Variants in STXBP3 observed in about 807,000 individuals in gnomAD.
STXBP3 encodes syntaxin-binding protein 3.
In STXBP3, 41 loss-of-function variants were observed where a neutral mutation model predicts 85.7. The observed-to-expected ratio is 0.48, with a 90% CI of 0.37 to 0.62. The LOEUF (loss-of-function observed/expected upper bound fraction) is 0.62, where lower values mean the gene tolerates loss of function less well. Among genes scored for constraint, STXBP3 ranks in the 20% least tolerant of loss-of-function variants. The pLI is 0.00. For missense variants in STXBP3, 563 were observed against 703.1 expected (o/e 0.80, Z 2.25); for synonymous variants, 229 against 231.7 (o/e 0.99, Z 0.10).
chr1:108,756,870 A>G, intron 4 of STXBP3, 104 bp downstream of exon 4: 1 of 780,754 alleles, frequency 1.3e-6, no homozygotes. Context: ...TAGTAGAAAA[A>G]TATTGCCATA....
chr1:108,747,074 C>G (rs964408715), intron 1 of STXBP3, among the ~76,000 whole-genome samples: 1 of 66,988 alleles, frequency 1.5e-5, no homozygotes, highest in Admixed American at 1.3e-4. Flanking sequence ...CCGCCCGGCC[C>G]GGCTTTCCCT....
rs576882207 is a variant in STXBP3, at chr1:108,748,020, A to G, written c.49+1234A>G. On this transcript the variant is annotated intron_variant, in intron 1 of 18. Transcript: ENST00000370008. Reference sequence around the variant, plus strand: ...GTATGTATTTAAGCCAGTTCTTTACATATTGAATCATAAGCTTTTCCCTTT... The same window carrying G: ...GTATGTATTTAAGCCAGTTCTTTACGTATTGAATCATAAGCTTTTCCCTTT... Among the ~76,000 whole-genome samples, 12 of 152,310 alleles carry G rather than the reference A, an allele frequency of 7.9e-5. No homozygotes were observed. The South Asian group carries it at 2.3e-3, about 29-fold the overall frequency.
At chr1:108,758,419 A>G (rs1662063793) in intron 4 of STXBP3, 91 bp from the exon 5 acceptor site, 2 of 628,490 alleles carry the variant, frequency 3.2e-6, no homozygotes, top group Non-Finnish European at 2.5e-6. Flanking sequence ...TTATTTTGTC[A>G]CTGAAATAAA....
chr1:108,800,694 C>G (rs1663217740), intron 17 of STXBP3, among the ~76,000 whole-genome samples: 1 of 152,132 alleles, frequency 6.6e-6, no homozygotes, highest in Non-Finnish European at 1.5e-5. Context: ...GTATATCACA[C>G]TATGGTTTTA....
rs368763146 is a variant in STXBP3, at chr1:108,805,163, T to C, written c.1536-2238T>C. On this transcript the variant is annotated intron_variant, in intron 17 of 18. Transcript: ENST00000370008. ...AATTGCTATTCAGAAGCTTAGAAATTGTTAGAATTGTTTTGAGCAGTGTTG... is the reference window on the plus strand; with the variant it reads ...AATTGCTATTCAGAAGCTTAGAAATCGTTAGAATTGTTTTGAGCAGTGTTG... Among the ~76,000 whole-genome samples the C allele has an allele frequency of 2.6e-5, 4 of 152,298 alleles. No homozygotes were observed. In the East Asian group the frequency reaches 7.7e-4, roughly 29 times the overall value.
At chr1:108,774,273 C>T (rs1284412343) in intron 7 of STXBP3, among the ~76,000 whole-genome samples, 2 of 152,016 alleles carry the variant, frequency 1.3e-5, no homozygotes, top group East Asian at 3.8e-4. Context: ...ATAATAATAC[C>T]TACCATATAC....
chr1:108,786,372 G>A (rs1662824548), intron 11 of STXBP3, among the ~76,000 whole-genome samples: 1 of 152,198 alleles, frequency 6.6e-6, no homozygotes, highest in Non-Finnish European at 1.5e-5. Context: ...ACTTGGTCCT[G>A]CCCTTGACGC....
At chr1:108,794,735 C>CT in intron 12 of STXBP3, 92 bp from the exon 13 acceptor site, 1 of 1,094,432 alleles carries the variant, frequency 9.1e-7, no homozygotes, top group Non-Finnish European at 1.3e-6. Context: ...TCAGCCCATA[C>CT]TTTCTTTCAG....
At chr1:108,807,379 T>A in intron 17 of STXBP3, 22 bp from the exon 18 acceptor site, 3 of 1,593,064 alleles carry the variant, frequency 1.9e-6, no homozygotes, top group Non-Finnish European at 2.6e-6. Context: ...GTTTACTTTT[T>A]TTTTTTTAAA....
chr1:108,803,855 C>T (rs1490520653), intron 17 of STXBP3, among the ~76,000 whole-genome samples: 2 of 152,224 alleles, frequency 1.3e-5, no homozygotes, highest in Non-Finnish European at 2.9e-5. Context: ...CTATGAATTT[C>T]TAAGAGCTGA....
At chr1:108,793,551 C>T in intron 11 of STXBP3, 31 bp from the exon 12 acceptor site, 1 of 1,574,506 alleles carries the variant, frequency 6.4e-7, no homozygotes, top group Non-Finnish European at 8.7e-7. Flanking sequence ...GAATCATAGG[C>T]TTGCCTAAAA....
At position 108,796,248 on chromosome 1, in the gene STXBP3, A is replaced by T. The variant is rs774719838; in HGVS notation, c.1125A>T (p.Gly375=). ...LCKTEQDLAL[G]TDAEGQKVKD... The stretch of plus-strand genomic sequence containing the variant: ...TTTTCATTAAGGACCTGGCACTTGG[A>T]ACTGATGCAGAAGGACAGAAGGTGA... Residue 375 remains glycine, a synonymous_variant, in exon 14 of 19, where the codon GGA becomes GGT. Transcript: ENST00000370008. The T allele has an allele frequency of 6.2e-7, 1 of 1,611,228 alleles. No homozygotes were observed. Among genetic ancestry groups the T allele is most frequent in the Non-Finnish European group, 8.5e-7 (1 of 1,179,230 alleles).
intron 11 of STXBP3, among the ~76,000 whole-genome samples, chr1:108,787,545 A>C (rs1339260126): frequency 6.6e-6 from 1 of 152,100 alleles, no homozygotes; most frequent in South Asian, 2.1e-4. Flanking sequence ...TCATACGTTT[A>C]AAATTTTTTT....
At chr1:108,806,871 T>C (rs1663348140) in intron 17 of STXBP3, among the ~76,000 whole-genome samples, 1 of 151,258 alleles carries the variant, frequency 6.6e-6, no homozygotes, top group South Asian at 2.1e-4. Context: ...AGCCAGATTA[T>C]GCATGATTTG....
chr1:108,773,178 A>G (rs1570759042), intron 7 of STXBP3, among the ~76,000 whole-genome samples: 1 of 152,316 alleles, frequency 6.6e-6, no homozygotes, highest in Non-Finnish European at 1.5e-5. Flanking sequence ...ACCTGTTACA[A>G]TGTCAAAGTA....
chr1:108,776,532 C>G (rs1662597748), intron 8 of STXBP3, 109 bp downstream of exon 8: 1 of 678,464 alleles, frequency 1.5e-6, no homozygotes, highest in Non-Finnish European at 2.4e-6. Flanking sequence ...GAGTCATTAA[C>G]ATAGATCTCC....
chr1:108,763,558 G>C (rs539139048), intron 6 of STXBP3, among the ~76,000 whole-genome samples: 180 of 152,126 alleles, frequency 1.2e-3, no homozygotes, highest in African/African-American at 4.0e-3. Context: ...TGGCACTCTG[G>C]AAATGGCTCA....
At chr1:108,793,781 G>T (rs1011165849) in intron 12 of STXBP3, 134 bp downstream of exon 12, 25 of 605,376 alleles carry the variant, frequency 4.1e-5, no homozygotes, top group Non-Finnish European at 4.6e-5. Context: ...CTTACTATAG[G>T]TCTGAGAGAT....
In STXBP3 at chr1:108,772,564, T is replaced by C. The variant is rs562101063; in HGVS notation, c.439-101T>C. ...ATAATATATAAATACATATGATATA[T>C]ATCTATATAATATATACATTATATA... is the stretch of plus-strand genomic sequence containing the variant. On this transcript the variant is annotated intron_variant, in intron 6 of 18. Coordinates refer to ENST00000370008, the MANE Select transcript of STXBP3 (RefSeq NM_007269.4). The C allele has an allele frequency of 8.1e-6, 3 of 370,832 alleles. No homozygotes were observed. In the East Asian group the frequency reaches 3.3e-4, roughly 41 times the overall value. 23.0% of individuals were successfully genotyped at this position (370,832 alleles called of 1,614,324 possible).
Sources: gnomAD v4.1 joint callset for allele counts (sites outside exome capture counted in the v4.1 genomes callset) on GRCh38, gnomAD v4.1.1 for gene constraint, MANE v1.5 for transcripts, NCBI Gene and HGNC (gene_info 2026-07-23, HGNC 2026-07-21) for gene names.